R3HDM2: variants seen among roughly 807,000 people sequenced by gnomAD.
R3HDM2 encodes the protein R3H domain containing 2.
In R3HDM2, 38 loss-of-function variants were observed where a neutral mutation model predicts 124.5. The observed-to-expected ratio is 0.31, with a 90% CI of 0.24 to 0.40. The LOEUF (loss-of-function observed/expected upper bound fraction) is 0.40. R3HDM2 is among the 10% of genes least tolerant of loss of function. The probability of loss-of-function intolerance (pLI) is 1.00; values close to 1 mark genes in which losing one functional copy is unlikely to be tolerated. For missense variants in R3HDM2, 869 were observed against 1,236.9 expected, an observed-to-expected ratio of 0.70 and a Z score of 4.46; for synonymous variants, 391 against 448.0, an observed-to-expected ratio of 0.87 and a Z score of 1.61.
intron 3 of R3HDM2, among the ~76,000 whole-genome samples, chr12:57,303,569 T>C (rs1592988773): frequency 7.4e-6 from 1 of 134,804 alleles, no homozygotes. Flanking sequence ...CAAGGCGAAA[T>C]CCCATCTCTA....
intron 1 of R3HDM2, among the ~76,000 whole-genome samples, chr12:57,413,901 C>T (rs533904791): frequency 1.5e-5 from 2 of 134,850 alleles, no homozygotes; most frequent in African/African-American, 2.8e-5. Context: ...GGCTGGAGTA[C>T]GTGGCACGGT....
At chr12:57,377,106 A>ATAAATAAATAAATAAG (rs59025569) in intron 2 of R3HDM2, among the ~76,000 whole-genome samples, 1 of 130,318 alleles carries the variant, frequency 7.7e-6, no homozygotes, top group African/African-American at 2.6e-5. Flanking sequence ...AAATAAATAA[A>ATAAATAAATAAATAAG]AGAGACTTGG....
chr12:57,253,909 T>C lies in R3HDM2; in HGVS notation c.*864A>G, dbSNP rs554248191. On this transcript the variant is annotated 3_prime_UTR_variant, in exon 24 of 24. Transcript: ENST00000402412. ...TGTATGTGCAATTAAATACTGTGTC[T>C]GTTACTGCGGCACGAACCTCAAACA... 227 of 280,614 alleles carry C rather than the reference T, an allele frequency of 8.1e-4. No homozygotes were observed. Among genetic ancestry groups the C allele is most frequent in the Admixed American group, 1.5e-3 (25 of 17,048 alleles). The allele number at this position is 280,614 out of a possible 1,614,324, so 17.4% of individuals were successfully genotyped here.
At chr12:57,380,552 A>T (rs1306785314) in intron 2 of R3HDM2, among the ~76,000 whole-genome samples, 2 of 152,190 alleles carry the variant, frequency 1.3e-5, no homozygotes, top group African/African-American at 4.8e-5. Context: ...GTACTTATTC[A>T]AAGACACAAT....
chr12:57,331,090 C>CT (rs1759701769), intron 2 of R3HDM2, among the ~76,000 whole-genome samples: 1 of 152,108 alleles, frequency 6.6e-6, no homozygotes, highest in African/African-American at 2.4e-5. Context: ...CCTTTTCTTT[C>CT]TTTTTCTTGC....
chr12:57,298,953 A>G (rs1346403911), intron 6 of R3HDM2, among the ~76,000 whole-genome samples: 1 of 151,920 alleles, frequency 6.6e-6, no homozygotes, highest in African/African-American at 2.4e-5. Context: ...ACAGAGGGAG[A>G]CTCTGTCTCA....
At chr12:57,413,239 A>G (rs888181983) in intron 1 of R3HDM2, among the ~76,000 whole-genome samples, 1 of 152,082 alleles carries the variant, frequency 6.6e-6, no homozygotes, top group African/African-American at 2.4e-5. Context: ...CTTCTGTGCA[A>G]TATCCCATCT....
At chr12:57,360,006 A>AATAAATAAATATATATATATATAT (rs1403496780) in intron 2 of R3HDM2, among the ~76,000 whole-genome samples, 17 of 117,662 alleles carry the variant, frequency 1.4e-4, no homozygotes, top group African/African-American at 5.2e-4. Flanking sequence ...TAAATAAATA[A>AATAAATAAATATATATATATATAT]ATATATATAT....
At chr12:57,271,674 T>C (rs1565897819) in intron 14 of R3HDM2, among the ~76,000 whole-genome samples, 1 of 152,150 alleles carries the variant, frequency 6.6e-6, no homozygotes, top group Non-Finnish European at 1.5e-5. Context: ...AGAGAAAAAG[T>C]AGATGTTAAG....
intron 3 of R3HDM2, chr12:57,305,577 A>G: frequency 2.5e-6 from 1 of 398,922 alleles, no homozygotes; most frequent in Non-Finnish European, 4.4e-6. Context: ...ATATATTAAA[A>G]GCCTAATATA....
At chr12:57,313,134 A>G (rs1472736350) in intron 2 of R3HDM2, among the ~76,000 whole-genome samples, 2 of 152,178 alleles carry the variant, frequency 1.3e-5, no homozygotes, top group Non-Finnish European at 2.9e-5. Context: ...TTGTTTATGT[A>G]TGTAGTATGT....
intron 3 of R3HDM2, among the ~76,000 whole-genome samples, chr12:57,305,310 C>T (rs1433322318): frequency 6.6e-6 from 1 of 152,164 alleles, no homozygotes; most frequent in African/African-American, 2.4e-5. Flanking sequence ...TAGTATTCCA[C>T]TGTGTAGCTA....
At chr12:57,333,324 G>GA (rs139175496) in intron 2 of R3HDM2, among the ~76,000 whole-genome samples, 1 of 151,606 alleles carries the variant, frequency 6.6e-6, no homozygotes, top group African/African-American at 2.4e-5. Flanking sequence ...GATTGGAGTA[G>GA]AAAAAAAAGA....
chr12:57,300,317 AG>A, intron 4 of R3HDM2, 136 bp from the exon 5 acceptor site: 1 of 703,746 alleles, frequency 1.4e-6, no homozygotes. Flanking sequence ...TCCATTAAAC[AG>A]GGGTTTTTTT....
At chr12:57,410,827 T>C (rs1411533096) in intron 1 of R3HDM2, among the ~76,000 whole-genome samples, 1 of 152,294 alleles carries the variant, frequency 6.6e-6, no homozygotes, top group East Asian at 1.9e-4. Context: ...TATTACAGCC[T>C]GAGTGACAGA....
chr12:57,332,234 A>T (rs1011471033), intron 2 of R3HDM2, among the ~76,000 whole-genome samples: 1 of 151,470 alleles, frequency 6.6e-6, no homozygotes, highest in Non-Finnish European at 1.5e-5. Flanking sequence ...ACATAGTGGA[A>T]CCCTGTCTCT....
chr12:57,270,014 C>T lies in R3HDM2; in HGVS notation c.1345-20G>A. On this transcript the variant is annotated intron_variant, in intron 14 of 23. Transcript: ENST00000402412. The stretch of plus-strand genomic sequence containing the variant: ...ATCTGCCTGTTGAGAGAGTATAAGA[C>T]ACAGGATTGGGGCTGTATCAAACCT... 2 of 1,613,888 alleles carry T rather than the reference C, an allele frequency of 1.2e-6. No individual in the cohort carries two copies. The highest frequency in any genetic ancestry group is 1.7e-6 in the Non-Finnish European group (2 of 1,179,842).
intron 10 of R3HDM2, among the ~76,000 whole-genome samples, chr12:57,293,717 T>C (rs1348523820): frequency 1.3e-5 from 2 of 152,214 alleles, no homozygotes. Context: ...CCCAGAGGCT[T>C]TGAAAGCTTC....
intron 1 of R3HDM2, chr12:57,430,489 G>GGCCCCCCCCCCCCCCCCCCCCC: frequency 6.3e-6 from 5 of 790,574 alleles, no homozygotes; most frequent in Non-Finnish European, 7.7e-6. Flanking sequence ...CCACCCCCCT[G>GGCCCCCCCCCCCCCCCCCCCCC]CCCCCGCACC....
Sources: allele counts gnomAD v4.1 joint callset (sites outside exome capture counted in the v4.1 genomes callset), GRCh38; gene constraint gnomAD v4.1.1; transcripts MANE v1.5; gene names NCBI Gene and HGNC (gene_info 2026-07-23, HGNC 2026-07-21).